Variants in TAF4 observed in about 807,000 individuals in gnomAD.
TAF4 encodes transcription initiation factor TFIID subunit 4.
A neutral mutation model predicts 90.3 loss-of-function variants in TAF4; 9 were observed. The observed-to-expected ratio is 0.10, with a 90% CI of 0.06 to 0.17. The LOEUF is 0.17. Ranked by LOEUF, TAF4 falls within the 10% of genes least tolerant of loss-of-function variation. The pLI is 1.00. For synonymous variants in TAF4, 818 were observed against 638.9 expected (o/e 1.28, Z -4.23); for missense variants, 1,351 against 1,370.7 (o/e 0.99, Z 0.23).
chr20:61,976,712 C>A (rs2123083530), intron 14 of TAF4, among the ~76,000 whole-genome samples: 1 of 152,352 alleles, frequency 6.6e-6, no homozygotes, highest in Non-Finnish European at 1.5e-5. Flanking sequence ...AGCTGGGGCA[C>A]AAAAGCCACA....
chr20:62,023,212 C>A (rs1212987855), intron 1 of TAF4, among the ~76,000 whole-genome samples: 7 of 152,240 alleles, frequency 4.6e-5, no homozygotes, highest in African/African-American at 1.4e-4. Context: ...GAGGCCAAGG[C>A]GGGCAGATCA....
intron 1 of TAF4, among the ~76,000 whole-genome samples, chr20:62,051,393 C>T (rs2056026614): frequency 6.6e-6 from 1 of 152,188 alleles, no homozygotes; most frequent in Non-Finnish European, 1.5e-5. Context: ...TCTCAGGCCT[C>T]CTCTCACACG....
In TAF4 at chr20:62,006,020, G is replaced by T. The variant is rs1295817360; in HGVS notation, c.2223+490C>A. 1 of 153,664 alleles carries T rather than the reference G, an allele frequency of 6.5e-6. No homozygotes were observed. The highest frequency in any genetic ancestry group is 2.4e-5 in the African/African-American group (1 of 41,502). The allele number at this position is 153,664 out of a possible 1,614,324, so 9.5% of individuals were successfully genotyped here. A position where few individuals can be genotyped will look rare whatever the true frequency, so the allele number is the denominator to read the frequency against. ...CATGACTATAAAACCAAGAAAGCCAGATCCAAACTGCACATAAGTGAACCG... is the reference window on the plus strand; with the variant it reads ...CATGACTATAAAACCAAGAAAGCCATATCCAAACTGCACATAAGTGAACCG... On this transcript the variant is annotated intron_variant, in intron 7 of 14. Transcript: ENST00000252996. The surrounding 1 kb of genome is among the most constrained non-coding windows in gnomAD (Gnocchi z 7.0).
chr20:62,012,736 T>A, intron 3 of TAF4, 79 bp downstream of exon 3: 1 of 1,394,454 alleles, frequency 7.2e-7, no homozygotes, highest in Non-Finnish European at 9.3e-7. Flanking sequence ...AAAAAACTCC[T>A]AAGGCCTGAT....
At chr20:62,007,945 C>T (rs1600840785) in intron 5 of TAF4, 1 of 225,460 alleles carries the variant, frequency 4.4e-6, no homozygotes, top group Non-Finnish European at 8.7e-6. Flanking sequence ...GGCACCTACT[C>T]GGTGTCAGGC....
intron 1 of TAF4, among the ~76,000 whole-genome samples, chr20:62,062,963 C>A (rs1333558829): frequency 2.6e-5 from 4 of 152,220 alleles, no homozygotes; most frequent in Admixed American, 2.6e-4. Context: ...CATAATAGAT[C>A]ACAGCCATCA....
intron 1 of TAF4, among the ~76,000 whole-genome samples, chr20:62,029,486 G>GCA (rs56056225): frequency 0.27 from 39,225 of 145,936 alleles, 5,177 homozygotes; most frequent in South Asian, 0.36. Context: ...GCGCGCGCGC[G>GCA]CACACACACA....
intron 14 of TAF4, among the ~76,000 whole-genome samples, chr20:61,978,012 A>G (rs1014986672): frequency 1.3e-5 from 2 of 152,266 alleles, no homozygotes; most frequent in African/African-American, 4.8e-5. Context: ...ATTCTAACGC[A>G]AGTGTCAGCA....
chr20:62,065,814 T>C lies in TAF4; in HGVS notation c.-4A>G. On this transcript the variant is annotated 5_prime_UTR_variant, in exon 1 of 15. Coordinates refer to ENST00000252996, the MANE Select transcript of TAF4 (RefSeq NM_003185.4). Reference sequence around the variant, plus strand: ...GCAGATCCGAGCCCGCCGCCATCTTTTTTCCTCGGCCGCCGCCGCCGCCGC... The same window carrying C: ...GCAGATCCGAGCCCGCCGCCATCTTCTTTCCTCGGCCGCCGCCGCCGCCGC... 1 of 1,285,064 alleles carries C rather than the reference T, an allele frequency of 7.8e-7. No individual in the cohort carries two copies. Among genetic ancestry groups the C allele is most frequent in the Non-Finnish European group, 1.0e-6 (1 of 994,468 alleles). The allele number at this position is 1,285,064 out of a possible 1,614,324, so 79.6% of individuals were successfully genotyped here. A position where few individuals can be genotyped will look rare whatever the true frequency, so the allele number is the denominator to read the frequency against.
intron 14 of TAF4, among the ~76,000 whole-genome samples, chr20:61,985,446 G>A (rs1393554985): frequency 6.6e-6 from 1 of 152,004 alleles, no homozygotes; most frequent in Admixed American, 6.5e-5. Context: ...AACATAAAAA[G>A]TAAAAATGAA....
In TAF4 at chr20:62,064,711, G is replaced by A. The variant is rs2056112817; in HGVS notation, c.1100C>T (p.Ala367Val). The A allele has an allele frequency of 3.2e-6, 4 of 1,236,336 alleles. No homozygotes were observed. Among genetic ancestry groups the A allele is most frequent in the Non-Finnish European group, 4.0e-6 (4 of 992,626 alleles). The allele number at this position is 1,236,336 out of a possible 1,614,324, so 76.6% of individuals were successfully genotyped here. ...GATGACCATGCTGGCCGCCGTGCTG[G>A]CCGGGCCGCTGGCCGCCAGGGTCTG... ...AAQTLAASGP[A>V]STAASMVIGP... is the part of the protein sequence containing the mutation. Residue 367 changes from alanine to valine, a missense_variant, in exon 1 of 15, where the codon GCC (alanine) becomes GTC (valine). By Grantham distance (64) the Ala-to-Val change is moderately conservative (BLOSUM62 0). This residue lies in a region of TAF4 where 782 missense variants were observed against 536.6 expected (regional missense o/e 1.46). Coordinates refer to ENST00000252996, the MANE Select transcript of TAF4 (RefSeq NM_003185.4).
intron 5 of TAF4, 141 bp downstream of exon 5, chr20:62,008,911 C>A (rs571564197): frequency 1.7e-6 from 2 of 1,174,286 alleles, no homozygotes; most frequent in South Asian, 3.5e-5. Context: ...CACGTGTGCA[C>A]CCCTCCCCTT....
Position 62,010,076 on chromosome 20 carries a change from T to C in TAF4, c.1731A>G (p.Pro577=), listed in dbSNP as rs1259406025. The C allele has an allele frequency of 2.5e-6, 4 of 1,613,430 alleles. No homozygotes were observed. The highest frequency in any genetic ancestry group is 1.7e-5 in the Admixed American group (1 of 60,004). Residue 577 remains proline (P), a synonymous_variant, in exon 4 of 15, where the codon CCA becomes CCG. Transcript: ENST00000252996. The surrounding 1 kb of genome is among the most constrained non-coding windows in gnomAD (Gnocchi z 4.5). The part of the protein sequence containing the change: ...VQTGTPQRTV[P]GATTTSSAAT... ...CAGCTGAGGAAGTGGTGGTCGCCCC[T>C]GGTACCGTGCGCTGAGGAGTCCCCG...
At chr20:62,055,282 T>C (rs914505617) in intron 1 of TAF4, among the ~76,000 whole-genome samples, 5 of 151,262 alleles carry the variant, frequency 3.3e-5, no homozygotes, top group African/African-American at 4.9e-5. Context: ...GACGATCGAT[T>C]CACGCTGCCT....
intron 1 of TAF4, among the ~76,000 whole-genome samples, chr20:62,018,032 G>T (rs930791067): frequency 6.6e-6 from 1 of 152,212 alleles, no homozygotes; most frequent in Non-Finnish European, 1.5e-5. Flanking sequence ...CTTGTGGTCA[G>T]GAAAGTTGGA....
At chr20:61,978,758 G>A (rs569236368) in intron 14 of TAF4, among the ~76,000 whole-genome samples, 92 of 152,330 alleles carry the variant, frequency 6.0e-4, no homozygotes, top group African/African-American at 2.1e-3. Flanking sequence ...TTGGGGCTGA[G>A]GCCACCCCCA....
At chr20:62,050,273 A>G (rs6061410) in intron 1 of TAF4, among the ~76,000 whole-genome samples, 106,472 of 151,940 alleles carry the variant, frequency 0.7, 37,463 homozygotes, top group Middle Eastern at 0.8. Context: ...CCTCCCCTCC[A>G]GGGTCCCGGC....
At chr20:62,040,810 C>T (rs545306122) in intron 1 of TAF4, among the ~76,000 whole-genome samples, 1 of 152,208 alleles carries the variant, frequency 6.6e-6, no homozygotes, top group South Asian at 2.1e-4. Flanking sequence ...ACCTTCCGTA[C>T]GACTCAGCGA....
intron 13 of TAF4, 121 bp from the exon 14 acceptor site, chr20:61,997,790 T>C: frequency 7.7e-7 from 1 of 1,301,770 alleles, no homozygotes; most frequent in Non-Finnish European, 1.0e-6. Flanking sequence ...TTCTTTAATG[T>C]TTTGACTTTC....
Sources: gnomAD v4.1 joint callset for allele counts (sites outside exome capture counted in the v4.1 genomes callset) on GRCh38, gnomAD v4.1.1 for gene constraint, gnomAD v4.1.1 regional missense constraint, Gnocchi (gnomAD v3.1) non-coding constraint, MANE v1.5 for transcripts, NCBI Gene and HGNC (gene_info 2026-07-23, HGNC 2026-07-21) for gene names.